Variants in ATRX observed in about 807,000 individuals in gnomAD.
The protein encoded by ATRX is ATRX chromatin remodeler.
A neutral mutation model predicts 172.6 loss-of-function variants in ATRX; 12 were observed. The ratio of observed to expected loss-of-function variants is 0.07; its 90% confidence interval spans 0.04 to 0.11. The LOEUF is 0.11. Among genes scored for constraint, ATRX ranks in the 10% least tolerant of loss-of-function variants. ATRX has a pLI of 1.00. For missense variants in ATRX, 1,368 were observed against 1,767.4 expected, an observed-to-expected ratio of 0.77 and a Z score of 4.05; for synonymous variants, 674 against 594.7, an observed-to-expected ratio of 1.13 and a Z score of -1.94.
intron 10 of ATRX, among the ~76,000 whole-genome samples, chrX:77,669,046 C>T (rs1345369599): frequency 3.6e-5 from 4 of 111,242 alleles, no homozygotes; most frequent in African/African-American, 1.3e-4. Flanking sequence ...AGGGAGCTTT[C>T]GAGCCATTAA....
At chrX:77,522,077 G>A in intron 32 of ATRX, 186 bp downstream of exon 32, 1 of 532,760 alleles carries the variant, frequency 1.9e-6, no homozygotes, top group South Asian at 2.9e-5. Context: ...TTTGTGCTCT[G>A]AACAAACCAC....
At chrX:77,778,566 C>T (rs2076442606) in intron 1 of ATRX, among the ~76,000 whole-genome samples, 1 of 109,140 alleles carries the variant, frequency 9.2e-6, no homozygotes, top group Admixed American at 9.8e-5. Context: ...ACTAAAAATA[C>T]AAAAATTAGC....
chrX:77,515,535 G>A (rs1259535595), intron 34 of ATRX, among the ~76,000 whole-genome samples: 4 of 110,709 alleles, frequency 3.6e-5, no homozygotes, highest in Non-Finnish European at 7.6e-5. Flanking sequence ...TCATACTCAC[G>A]TCCCCTCATA....
intron 28 of ATRX, among the ~76,000 whole-genome samples, chrX:77,562,741 C>A (rs1206808121): frequency 3.6e-5 from 4 of 111,428 alleles, no homozygotes; most frequent in African/African-American, 1.3e-4. Flanking sequence ...AAGACAGATT[C>A]TCACCATGTT....
chrX:77,514,683 C>G (rs782398090), intron 34 of ATRX, among the ~76,000 whole-genome samples: 1 of 111,946 alleles, frequency 8.9e-6, no homozygotes, highest in Non-Finnish European at 1.9e-5. Context: ...CAATATAATT[C>G]TGGATATAGG....
intron 10 of ATRX, among the ~76,000 whole-genome samples, chrX:77,669,599 C>T (rs1015314580): frequency 8.9e-6 from 1 of 111,993 alleles, no homozygotes; most frequent in Non-Finnish European, 1.9e-5. Context: ...GCTGGGATTA[C>T]AGGCATGAGC....
At chrX:77,748,391 T>C (rs1557186037) in intron 1 of ATRX, among the ~76,000 whole-genome samples, 2 of 109,658 alleles carry the variant, frequency 1.8e-5, no homozygotes, top group Admixed American at 2.0e-4. Context: ...GGCTGGGGGG[T>C]GGTAAGCTGC....
chrX:77,556,155 G>A (rs1165101178), intron 30 of ATRX, among the ~76,000 whole-genome samples: 1 of 97,694 alleles, frequency 1.0e-5, no homozygotes, highest in Non-Finnish European at 2.0e-5. Flanking sequence ...CAGCCTGGGC[G>A]ACACAGTGAG....
intron 28 of ATRX, 48 bp downstream of exon 28, chrX:77,574,202 A>T (rs2065524716): frequency 1.2e-6 from 1 of 848,376 alleles, no homozygotes; most frequent in South Asian, 2.2e-5. Context: ...TGTAAATTTT[A>T]AAATTAATTA....
At chrX:77,645,177 ACT>A (rs1254969778) in intron 15 of ATRX, among the ~76,000 whole-genome samples, 1 of 111,532 alleles carries the variant, frequency 9.0e-6, no homozygotes, top group Non-Finnish European at 1.9e-5. Flanking sequence ...ACAGCATCTC[ACT>A]CTGTCATCCA....
chrX:77,659,470 TC>T (rs2069738833), intron 12 of ATRX, among the ~76,000 whole-genome samples: 1 of 83,317 alleles, frequency 1.2e-5, no homozygotes, highest in Non-Finnish European at 2.3e-5. Context: ...TTGCTTTTTT[TC>T]TTTCTCTCTC....
intron 1 of ATRX, among the ~76,000 whole-genome samples, chrX:77,737,221 G>T (rs1401905119): frequency 3.6e-5 from 4 of 110,241 alleles, no homozygotes; most frequent in Non-Finnish European, 7.6e-5. Context: ...TCAGGAGTTC[G>T]ATAGCAGCCT....
chrX:77,762,304 C>CAAAAAAA (rs782237740), intron 1 of ATRX, among the ~76,000 whole-genome samples: 1 of 23,408 alleles, frequency 4.3e-5, no homozygotes, highest in African/African-American at 1.6e-4. Flanking sequence ...GACTCTGTCT[C>CAAAAAAA]AAAAAAAAAA....
chrX:77,624,174 G>A (rs1389263035), intron 19 of ATRX, among the ~76,000 whole-genome samples: 1 of 110,924 alleles, frequency 9.0e-6, no homozygotes, highest in Non-Finnish European at 1.9e-5. Flanking sequence ...GACCATCCTG[G>A]CTAACACAGT....
rs782618017 is a variant in ATRX at position 77,737,458 on chromosome X, G to C, written c.21-20215C>G. Reference sequence around the variant, plus strand: ...AAAGGGGGGGGGGGGCCTAGTATTTGATGGCACAACAGGGTGTATATAATA... The same window carrying C: ...AAAGGGGGGGGGGGGCCTAGTATTTCATGGCACAACAGGGTGTATATAATA... On this transcript the variant is annotated intron_variant, in intron 1 of 34. Transcript: ENST00000373344. Among the ~76,000 whole-genome samples the C allele has an allele frequency of 6.5e-5, 5 of 76,582 alleles. No individual in the cohort carries two copies. The South Asian group carries it at 4.9e-3, about 75-fold the overall frequency. 66.5% of individuals were successfully genotyped at this position (76,582 alleles called of 115,157 possible).
intron 30 of ATRX, among the ~76,000 whole-genome samples, chrX:77,550,036 G>A (rs1479320611): frequency 1.8e-5 from 2 of 112,274 alleles, no homozygotes; most frequent in Non-Finnish European, 3.8e-5. Flanking sequence ...GGTGAATGAA[G>A]CTAAGATAGC....
At chrX:77,656,764 G>T in intron 12 of ATRX, 111 bp from the exon 13 acceptor site, 1 of 581,577 alleles carries the variant, frequency 1.7e-6, no homozygotes, top group Non-Finnish European at 2.7e-6. Flanking sequence ...GAACATCAGA[G>T]GTATATATGT....
chrX:77,559,449 CTTTTTTTT>C (rs782028709), intron 28 of ATRX, among the ~76,000 whole-genome samples: 1 of 41,684 alleles, frequency 2.4e-5, no homozygotes, highest in Non-Finnish European at 3.7e-5. Flanking sequence ...CTTTCTTTCC[CTTTTTTTT>C]TTTTTTTTTT....
chrX:77,670,754 C>CAA (rs1184577252), intron 10 of ATRX, among the ~76,000 whole-genome samples: 7 of 62,921 alleles, frequency 1.1e-4, no homozygotes, highest in African/African-American at 1.8e-4. Flanking sequence ...GACTCTGTCT[C>CAA]AAAAAAAAAA....
Sources: allele counts gnomAD v4.1 joint callset (sites outside exome capture counted in the v4.1 genomes callset), GRCh38; gene constraint gnomAD v4.1.1; transcripts MANE v1.5; gene names NCBI Gene and HGNC (gene_info 2026-07-23, HGNC 2026-07-21).